RSRC1: variants seen among roughly 807,000 people sequenced by gnomAD.
The protein encoded by RSRC1 is arginine and serine rich coiled-coil 1.
In RSRC1, 39 loss-of-function variants were observed where a neutral mutation model predicts 49.1. That is an observed-to-expected ratio of 0.79 (90% confidence interval 0.61 to 1.04). The LOEUF (loss-of-function observed/expected upper bound fraction) is 1.04, where lower values mean the gene tolerates loss of function less well. Among genes scored for constraint, RSRC1 ranks in the 50% least tolerant of loss-of-function variants. The pLI, the probability that RSRC1 is intolerant of heterozygous loss-of-function variation, is 0.00. For synonymous variants in RSRC1, 143 were observed against 130.8 expected (o/e 1.09, Z -0.63); for missense variants, 388 against 402.4 (o/e 0.96, Z 0.31).
chr3:158,384,854 G>T (rs996371515), intron 6 of RSRC1, among the ~76,000 whole-genome samples: 2 of 152,064 alleles, frequency 1.3e-5, no homozygotes, highest in African/African-American at 2.4e-5. Flanking sequence ...TGTAGTCCAT[G>T]AAGTTTATCA....
chr3:158,242,040 T>TTA (rs1163471614), intron 4 of RSRC1, among the ~76,000 whole-genome samples: 2 of 140,888 alleles, frequency 1.4e-5, no homozygotes, highest in Non-Finnish European at 3.1e-5. Flanking sequence ...ACCTTTTTTT[T>TTA]TTTTTTTTTT....
chr3:158,184,617 G>A (rs1450450692), intron 3 of RSRC1, among the ~76,000 whole-genome samples: 1 of 152,114 alleles, frequency 6.6e-6, no homozygotes, highest in Non-Finnish European at 1.5e-5. Context: ...AGAGTTGGAA[G>A]TCTTATTTAA....
At chr3:158,192,794 C>T (rs1219580935) in intron 3 of RSRC1, among the ~76,000 whole-genome samples, 1 of 151,998 alleles carries the variant, frequency 6.6e-6, no homozygotes, top group Admixed American at 6.6e-5. Context: ...CACTGAAGAT[C>T]GTGTATTTGG....
rs546532844 is a variant in RSRC1 at position 158,145,793 on chromosome 3, C to T, written c.320+21802C>T. Reference sequence around the variant, plus strand: ...GGAATGTTCTTCCATTTGTTTGTATCCTCTTTTATTTCGTTGAGCAGTGAT... The same window carrying T: ...GGAATGTTCTTCCATTTGTTTGTATTCTCTTTTATTTCGTTGAGCAGTGAT... On this transcript the variant is annotated intron_variant, in intron 3 of 9. Coordinates refer to ENST00000611884, the MANE Select transcript of RSRC1 (RefSeq NM_001271838.2). Among the ~76,000 whole-genome samples, 5 of 152,236 alleles carry T rather than the reference C, an allele frequency of 3.3e-5. No individual in the cohort carries two copies. In the East Asian group the frequency reaches 7.7e-4, roughly 24 times the overall value.
Position 158,433,004 on chromosome 3 carries a change from G to GA in RSRC1, c.584-27928dup, listed in dbSNP as rs1358337146. On this transcript the variant is annotated intron_variant, in intron 6 of 9. Transcript: ENST00000611884. ...TTCGTAAGTTAATTTAATAACACTT[G>GA]AAATTGTTATATACCTTTTTCCTTA... Among the ~76,000 whole-genome samples, 4 of 151,692 alleles carry GA rather than the reference G, an allele frequency of 2.6e-5. No individual in the cohort carries two copies. In the East Asian group the frequency reaches 7.8e-4, roughly 30 times the overall value.
intron 5 of RSRC1, among the ~76,000 whole-genome samples, chr3:158,353,028 T>A (rs970423626): frequency 6.6e-6 from 1 of 152,224 alleles, no homozygotes; most frequent in Admixed American, 6.5e-5. Flanking sequence ...CATTTTCCCT[T>A]AAACATATGA....
chr3:158,332,561 G>T (rs917870140), intron 5 of RSRC1, among the ~76,000 whole-genome samples: 1 of 152,084 alleles, frequency 6.6e-6, no homozygotes, highest in Non-Finnish European at 1.5e-5. Context: ...TTATGAAAAC[G>T]TGTGATATAA....
At chr3:158,311,862 G>C (rs139497135) in intron 5 of RSRC1, among the ~76,000 whole-genome samples, 147 of 151,904 alleles carry the variant, frequency 9.7e-4, no homozygotes, top group African/African-American at 3.4e-3. Flanking sequence ...TTAGACCTCA[G>C]TAAACCAAAA....
At chr3:158,223,007 TC>T (rs1722309670) in intron 4 of RSRC1, among the ~76,000 whole-genome samples, 1 of 151,698 alleles carries the variant, frequency 6.6e-6, no homozygotes, top group Admixed American at 6.6e-5. Flanking sequence ...TATTCACTCT[TC>T]AGCACATTTG....
At chr3:158,412,956 C>T (rs112669140) in intron 6 of RSRC1, among the ~76,000 whole-genome samples, 1,656 of 152,166 alleles carry the variant, frequency 0.011, 32 homozygotes, top group African/African-American at 0.038. Flanking sequence ...CATTAAACTA[C>T]CATTGACATT....
chr3:158,236,542 T>C (rs893183839), intron 4 of RSRC1, among the ~76,000 whole-genome samples: 6 of 152,220 alleles, frequency 3.9e-5, no homozygotes, highest in African/African-American at 1.2e-4. Flanking sequence ...TAGAACTTCA[T>C]ATAAATGGAA....
chr3:158,501,356 C>T (rs190261857), intron 7 of RSRC1, among the ~76,000 whole-genome samples: 5 of 152,080 alleles, frequency 3.3e-5, no homozygotes, highest in South Asian at 4.1e-4. Context: ...TGAAATGTTC[C>T]GTATATATCT....
intron 3 of RSRC1, among the ~76,000 whole-genome samples, chr3:158,183,793 G>A (rs1046330579): frequency 1.3e-5 from 2 of 152,032 alleles, no homozygotes; most frequent in African/African-American, 2.4e-5. Context: ...GCATGCACCT[G>A]TAGTCCTAGC....
chr3:158,113,890 T>G (rs1382041919), intron 1 of RSRC1, among the ~76,000 whole-genome samples: 2 of 152,184 alleles, frequency 1.3e-5, no homozygotes, highest in East Asian at 1.9e-4. Context: ...CCTTATAGAC[T>G]CTGGATATTA....
chr3:158,304,960 A>G (rs1206167671), intron 5 of RSRC1, among the ~76,000 whole-genome samples: 1 of 152,154 alleles, frequency 6.6e-6, no homozygotes, highest in East Asian at 1.9e-4. Flanking sequence ...TTACTGTCAT[A>G]ATTTCTTAGG....
chr3:158,196,723 T>A (rs1283185306), intron 3 of RSRC1, among the ~76,000 whole-genome samples: 1 of 152,142 alleles, frequency 6.6e-6, no homozygotes, highest in Non-Finnish European at 1.5e-5. Context: ...GTTGTTGAAT[T>A]TTGTCGAAGG....
chr3:158,327,788 G>C (rs1369332680), intron 5 of RSRC1, among the ~76,000 whole-genome samples: 1 of 152,090 alleles, frequency 6.6e-6, no homozygotes, highest in Admixed American at 6.6e-5. Flanking sequence ...GGATATCCTT[G>C]TTAACTTTCT....
chr3:158,396,103 G>A (rs565387965), intron 6 of RSRC1, among the ~76,000 whole-genome samples: 2 of 152,164 alleles, frequency 1.3e-5, no homozygotes, highest in South Asian at 2.1e-4. Context: ...CAAATGCTGC[G>A]TGTCCTCACT....
At chr3:158,240,316 CTTAG>C (rs2107990850) in intron 4 of RSRC1, among the ~76,000 whole-genome samples, 1 of 151,942 alleles carries the variant, frequency 6.6e-6, no homozygotes, top group African/African-American at 2.4e-5. Context: ...TTCTTCAATT[CTTAG>C]TTGGGGAAGG....
Sources: allele counts gnomAD v4.1 joint callset (sites outside exome capture counted in the v4.1 genomes callset), GRCh38; gene constraint gnomAD v4.1.1; transcripts MANE v1.5; gene names NCBI Gene and HGNC (gene_info 2026-07-23, HGNC 2026-07-21).